Variants in PPFIBP2 observed in about 807,000 individuals in gnomAD.
PPFIBP2 encodes PPFIB scaffold protein 2.
A neutral mutation model predicts 118.3 loss-of-function variants in PPFIBP2; 118 were observed. The ratio of observed to expected loss-of-function variants is 1.00; its 90% CI spans 0.86 to 1.16. The LOEUF is 1.16. PPFIBP2 is among the 50% of genes most tolerant of loss of function. The pLI is 0.00. For synonymous variants in PPFIBP2, 414 were observed against 397.4 expected (o/e 1.04, Z -0.50); for missense variants, 1,195 against 1,073.1 (o/e 1.11, Z -1.59).
chr11:7,523,648 G>T (rs1312222948), intron 1 of PPFIBP2, among the ~76,000 whole-genome samples: 1 of 152,188 alleles, frequency 6.6e-6, no homozygotes, highest in Non-Finnish European at 1.5e-5. Flanking sequence ...GGAAGTAGGT[G>T]GGTGGAGGAA....
intron 1 of PPFIBP2, among the ~76,000 whole-genome samples, chr11:7,539,827 C>T (rs1476199771): frequency 6.6e-6 from 1 of 152,152 alleles, no homozygotes; most frequent in African/African-American, 2.4e-5. Context: ...GAAGAAGCCC[C>T]AAAAGCAGAA....
chr11:7,624,910 A>T (rs1255013782), intron 7 of PPFIBP2, among the ~76,000 whole-genome samples: 2 of 152,204 alleles, frequency 1.3e-5, no homozygotes, highest in Non-Finnish European at 2.9e-5. Flanking sequence ...AAATGAGAGA[A>T]TCAAGGTTTG....
At chr11:7,558,623 G>A (rs1047658881) in intron 2 of PPFIBP2, among the ~76,000 whole-genome samples, 1 of 152,056 alleles carries the variant, frequency 6.6e-6, no homozygotes. Context: ...AGGCGTGGTG[G>A]CGCGTGCCTG....
At chr11:7,580,389 C>T (rs1857095228) in intron 3 of PPFIBP2, among the ~76,000 whole-genome samples, 1 of 152,174 alleles carries the variant, frequency 6.6e-6, no homozygotes, top group South Asian at 2.1e-4. Context: ...AAGGTAGAAA[C>T]ACTATCGTCT....
chr11:7,587,969 C>A (rs1858512060), intron 3 of PPFIBP2, among the ~76,000 whole-genome samples: 1 of 152,140 alleles, frequency 6.6e-6, no homozygotes, highest in East Asian at 1.9e-4. Context: ...TTTTCCTTAG[C>A]AAGAAAACAA....
chr11:7,614,186 C>G (rs751808279), intron 6 of PPFIBP2, among the ~76,000 whole-genome samples: 1 of 152,152 alleles, frequency 6.6e-6, no homozygotes, highest in Non-Finnish European at 1.5e-5. Flanking sequence ...TATACTCCCA[C>G]AATTCAAAAA....
chr11:7,543,977 C>A (rs1045366308), intron 1 of PPFIBP2, among the ~76,000 whole-genome samples: 2 of 152,174 alleles, frequency 1.3e-5, no homozygotes, highest in African/African-American at 4.8e-5. Flanking sequence ...GGCTTTTCCT[C>A]ACTGGCTGCA....
chr11:7,654,152 C>T (rs540521129), downstream of PPFIBP2, among the ~76,000 whole-genome samples: 10 of 152,348 alleles, frequency 6.6e-5, no homozygotes, highest in Admixed American at 6.5e-4. Flanking sequence ...GTTTTGCTGG[C>T]TTCTCTATTA....
intron 1 of PPFIBP2, among the ~76,000 whole-genome samples, chr11:7,525,844 T>G (rs1850184651): frequency 6.6e-6 from 1 of 151,974 alleles, no homozygotes; most frequent in Non-Finnish European, 1.5e-5. Context: ...ACACCTGGAG[T>G]GTGCAAAGCC....
intron 14 of PPFIBP2, 139 bp downstream of exon 14, chr11:7,635,732 T>A: frequency 1.3e-6 from 1 of 796,560 alleles, no homozygotes; most frequent in South Asian, 1.7e-5. Context: ...ACGCAACTTT[T>A]CTCTCCCATT....
At chr11:7,582,045 C>G (rs1412219003) in intron 3 of PPFIBP2, among the ~76,000 whole-genome samples, 1 of 152,092 alleles carries the variant, frequency 6.6e-6, no homozygotes, top group Non-Finnish European at 1.5e-5. Flanking sequence ...GCCATGTTAG[C>G]CAGTCTGGTC....
At chr11:7,578,718 G>A (rs1475341304) in intron 3 of PPFIBP2, among the ~76,000 whole-genome samples, 1 of 152,192 alleles carries the variant, frequency 6.6e-6, no homozygotes, top group African/African-American at 2.4e-5. Context: ...TGGAGAAGGG[G>A]GTTGGGGCGG....
rs373629126 is a variant in PPFIBP2, at chr11:7,632,867, A to T, written c.1069A>T (p.Met357Leu). 8.1e-6 allele frequency: 13 copies of T among 1,612,990 alleles called. No individual in the cohort carries two copies. The African/African-American group carries it at 1.7e-4, about 22-fold the overall frequency. The change falls in exon 12 of 24, where the codon ATG becomes TTG. Residue 357 changes from methionine to leucine, a missense_variant and splice_region_variant. Met to Leu is a conservative substitution (Grantham distance 15). Transcript: ENST00000299492. ...CGTGACTCTTCTGTCTCTGGTGCAGATGCCTCCAAGATGTAGCTCTCCTAC... is the reference window on the plus strand; with the variant it reads ...CGTGACTCTTCTGTCTCTGGTGCAGTTGCCTCCAAGATGTAGCTCTCCTAC... Reference protein sequence around the residue: ...KDPEELFKQEMPPRCSSPTVG... With the variant: ...KDPEELFKQELPPRCSSPTVG...
chr11:7,527,965 C>A (rs1197756708), intron 1 of PPFIBP2, among the ~76,000 whole-genome samples: 5 of 152,150 alleles, frequency 3.3e-5, no homozygotes, highest in Non-Finnish European at 7.4e-5. Context: ...TCAAAGCAGC[C>A]TTTCAGGGCT....
intron 2 of PPFIBP2, among the ~76,000 whole-genome samples, chr11:7,551,201 C>A (rs1373390019): frequency 1.3e-5 from 2 of 152,030 alleles, no homozygotes; most frequent in Non-Finnish European, 2.9e-5. Context: ...CCTGTGAGCT[C>A]CTCGGGGTCT....
At chr11:7,665,645 C>T in the PPFIBP2 span, 8 of 1,324,578 alleles carry the variant, frequency 6.0e-6, no homozygotes, top group East Asian at 2.0e-4. Flanking sequence ...GAGGAGGTGA[C>T]AAGCTGCTCT....
intron 5 of PPFIBP2, among the ~76,000 whole-genome samples, chr11:7,600,894 T>C (rs1008533640): frequency 2.0e-5 from 3 of 152,218 alleles, no homozygotes; most frequent in African/African-American, 7.2e-5. Context: ...TTTAAGTTTT[T>C]TAAAATGCTG....
At chr11:7,594,300 G>A (rs1859890041) in intron 4 of PPFIBP2, among the ~76,000 whole-genome samples, 1 of 150,978 alleles carries the variant, frequency 6.6e-6, no homozygotes, top group African/African-American at 2.4e-5. Context: ...TGCCTCTATT[G>A]TAAATAACTG....
chr11:7,611,070 T>C (rs1049679049), intron 6 of PPFIBP2, among the ~76,000 whole-genome samples: 7 of 152,364 alleles, frequency 4.6e-5, no homozygotes, highest in African/African-American at 1.7e-4. Flanking sequence ...CGTCTTCCTG[T>C]GCCTCTACCT....
Sources: allele counts gnomAD v4.1 joint callset (sites outside exome capture counted in the v4.1 genomes callset), GRCh38; gene constraint gnomAD v4.1.1; transcripts MANE v1.5; gene names NCBI Gene and HGNC (gene_info 2026-07-23, HGNC 2026-07-21).